The following TRIO variants were observed in gnomAD, a reference collection of about 807,000 sequenced individuals.
TRIO encodes trio Rho guanine nucleotide exchange factor, also known as triple functional domain protein.
In TRIO, 58 loss-of-function variants were observed where a neutral mutation model predicts 351.9. The ratio of observed to expected loss-of-function variants is 0.16; its 90% CI spans 0.13 to 0.21. The LOEUF (loss-of-function observed/expected upper bound fraction) is 0.21, where lower values mean the gene tolerates loss of function less well. Among genes scored for constraint, TRIO ranks in the 10% least tolerant of loss-of-function variants. The pLI is 1.00. For synonymous variants in TRIO, 1,758 were observed against 1,595.7 expected, an observed-to-expected ratio of 1.10 and a Z score of -2.42; for missense variants, 3,201 against 4,027.8, an observed-to-expected ratio of 0.79 and a Z score of 5.56.
rs114212014 is a variant in TRIO, at chr5:14,309,411, C to T, written c.1500+4819C>T. Among the ~76,000 whole-genome samples, 1,326 of 152,330 alleles carry T rather than the reference C, an allele frequency of 8.7e-3. 14 individuals carry two copies. Among genetic ancestry groups the T allele is most frequent in the African/African-American group, 0.03 (1,247 of 41,572 alleles). ...AGGGACACCTCTTTTGGCACCTCCA[C>T]CCCTCACTTCCTCATTTTCTTCATG... On this transcript the variant is annotated intron_variant, in intron 8 of 56. Transcript: ENST00000344204.
intron 49 of TRIO, among the ~76,000 whole-genome samples, chr5:14,494,816 T>G (rs924442597): frequency 1.3e-5 from 2 of 152,204 alleles, no homozygotes; most frequent in Admixed American, 6.5e-5. Context: ...GGAGAATTGC[T>G]TGAACCCTGG....
chr5:14,304,314 G>A, intron 7 of TRIO, 147 bp from the exon 8 acceptor site: 3 of 772,810 alleles, frequency 3.9e-6, no homozygotes, highest in East Asian at 2.9e-5. Context: ...CATGTGAGTT[G>A]AGGATGCCAT....
intron 5 of TRIO, among the ~76,000 whole-genome samples, chr5:14,291,526 C>A (rs1054909953): frequency 6.6e-6 from 1 of 151,956 alleles, no homozygotes; most frequent in Middle Eastern, 3.4e-3. Flanking sequence ...GCCGTGCTCA[C>A]GCCTGTAATC....
rs1745455876 is a variant in TRIO at position 14,375,261 on chromosome 5, GCA to G, written c.3331+919_3331+920del. ...CTGCATGAATAAGTCTTCTGGGCCA[GCA>G]AGTTATTTGCATTGATAATTGGTTT... On this transcript the variant is annotated intron_variant, in intron 19 of 56. Coordinates refer to ENST00000344204, the MANE Select transcript of TRIO (RefSeq NM_007118.4). Among the ~76,000 whole-genome samples, 4 of 152,302 alleles carry G rather than the reference GCA, an allele frequency of 2.6e-5. 1 individual carries two copies. The South Asian group carries it at 8.3e-4, about 32-fold the overall frequency.
chr5:14,307,300 T>G (rs1211230918), intron 8 of TRIO, among the ~76,000 whole-genome samples: 1 of 152,164 alleles, frequency 6.6e-6, no homozygotes, highest in African/African-American at 2.4e-5. Context: ...CCCCAAGTGT[T>G]CCAATGATGC....
intron 2 of TRIO, among the ~76,000 whole-genome samples, chr5:14,278,655 A>G (rs891155926): frequency 1.3e-5 from 2 of 152,234 alleles, no homozygotes; most frequent in African/African-American, 2.4e-5. Context: ...AACGAAAAAT[A>G]TTGAAATTGT....
rs1173121592 is a variant in TRIO, at chr5:14,396,443, C to CTTTTTTTTTTT, written c.4312-566_4312-556dup. On this transcript the variant is annotated intron_variant, in intron 28 of 56. Transcript: ENST00000344204. ...ATAATAATTAAATATTTCTATTTAT[C>CTTTTTTTTTTT]TTTTTTTTTTTTTTTTTTTTTTTTT... Among the ~76,000 whole-genome samples, 113 of 41,550 alleles carry CTTTTTTTTTTT rather than the reference C, an allele frequency of 2.7e-3. 36 individuals are homozygous for CTTTTTTTTTTT. Among genetic ancestry groups the CTTTTTTTTTTT allele is most frequent in the East Asian group, 0.012 (9 of 762 alleles). The allele number at this position is 41,550 out of a possible 152,430, so 27.3% of individuals were successfully genotyped here. A position where few individuals can be genotyped will look rare whatever the true frequency, so the allele number is the denominator to read the frequency against.
chr5:14,413,399 A>G (rs1749362348), intron 33 of TRIO, among the ~76,000 whole-genome samples: 1 of 152,156 alleles, frequency 6.6e-6, no homozygotes, highest in Non-Finnish European at 1.5e-5. Flanking sequence ...GGGTGGGTTC[A>G]TTTATTCTCA....
At chr5:14,176,481 A>G (rs904658848) in intron 1 of TRIO, among the ~76,000 whole-genome samples, 1 of 151,926 alleles carries the variant, frequency 6.6e-6, no homozygotes, top group Non-Finnish European at 1.5e-5. Flanking sequence ...AAAAAAAAAC[A>G]ACAGAGTCTT....
At chr5:14,187,995 A>C (rs1033645655) in intron 1 of TRIO, among the ~76,000 whole-genome samples, 9 of 152,332 alleles carry the variant, frequency 5.9e-5, no homozygotes, top group Middle Eastern at 6.8e-3. Flanking sequence ...GGAAACCCGG[A>C]TGTCTTTGCT....
At chr5:14,482,250 G>T (rs1189355159) in intron 45 of TRIO, among the ~76,000 whole-genome samples, 1 of 152,132 alleles carries the variant, frequency 6.6e-6, no homozygotes, top group East Asian at 1.9e-4. Flanking sequence ...GAAAACTCCT[G>T]TGCATGCCTG....
At chr5:14,388,279 G>A in intron 23 of TRIO, among the ~76,000 whole-genome samples, 1 of 152,148 alleles carries the variant, frequency 6.6e-6, no homozygotes, top group Non-Finnish European at 1.5e-5. Context: ...CAGTGGGGAG[G>A]GGGAGGGAGT....
intron 34 of TRIO, among the ~76,000 whole-genome samples, chr5:14,427,860 A>G (rs894031446): frequency 6.6e-6 from 1 of 152,116 alleles, no homozygotes; most frequent in Non-Finnish European, 1.5e-5. Context: ...AACAACACAT[A>G]TAGCCACCAA....
intron 11 of TRIO, among the ~76,000 whole-genome samples, chr5:14,348,797 C>T (rs1313603035): frequency 1.0e-4 from 15 of 149,506 alleles, no homozygotes; most frequent in African/African-American, 1.7e-4. Context: ...TGTGTGTGTA[C>T]GCACGTGAGC....
intron 53 of TRIO, among the ~76,000 whole-genome samples, chr5:14,501,071 A>T (rs548479682): frequency 4.6e-5 from 7 of 151,008 alleles, no homozygotes; most frequent in Admixed American, 2.0e-4. Flanking sequence ...ATGTTTATTT[A>T]AAAAAAAGAA....
intron 10 of TRIO, among the ~76,000 whole-genome samples, chr5:14,336,122 A>G (rs949814938): frequency 6.6e-6 from 1 of 152,256 alleles, no homozygotes; most frequent in Admixed American, 6.5e-5. Flanking sequence ...ATTATCGTAA[A>G]GCATTGTATC....
At chr5:14,485,753 A>G (rs26097) in intron 47 of TRIO, among the ~76,000 whole-genome samples, 14,061 of 152,204 alleles carry the variant, frequency 0.092, 880 homozygotes, top group Admixed American at 0.18. Context: ...TGGGAGGCCA[A>G]GTTGGGCAGA....
intron 34 of TRIO, among the ~76,000 whole-genome samples, chr5:14,422,062 C>T (rs765109453): frequency 3.3e-5 from 5 of 152,224 alleles, no homozygotes; most frequent in Admixed American, 1.3e-4. Flanking sequence ...TCTGCCCGTC[C>T]ACTCTCTCCT....
At position 14,207,361 on chromosome 5, in the gene TRIO, C is replaced by CAGAGAG. The variant is rs376631690; in HGVS notation, c.158-63460_158-63459insAGAGAG. Reference sequence around the variant, plus strand: ...ACACACACACACACACACACACACACAGAGCCAGGTAGCATAGCAAGACTG... The same window carrying CAGAGAG: ...ACACACACACACACACACACACACACAGAGAGAGAGCCAGGTAGCATAGCAAGACTG... On this transcript the variant is annotated intron_variant, in intron 1 of 56. Coordinates refer to ENST00000344204, the MANE Select transcript of TRIO (RefSeq NM_007118.4). Among the ~76,000 whole-genome samples, 18 of 10,100 alleles carry CAGAGAG rather than the reference C, an allele frequency of 1.8e-3. 4 individuals are homozygous for CAGAGAG. Among genetic ancestry groups the CAGAGAG allele is most frequent in the African/African-American group, 2.3e-3 (8 of 3,430 alleles). 6.6% of individuals were successfully genotyped at this position (10,100 alleles called of 152,430 possible). A position where few individuals can be genotyped will look rare whatever the true frequency, so the allele number is the denominator to read the frequency against.
Sources: allele counts gnomAD v4.1 joint callset (sites outside exome capture counted in the v4.1 genomes callset), GRCh38; gene constraint gnomAD v4.1.1; transcripts MANE v1.5; gene names NCBI Gene and HGNC (gene_info 2026-07-23, HGNC 2026-07-21).